RGS7: variants seen among roughly 807,000 people sequenced by gnomAD.
The protein encoded by RGS7 is regulator of G protein signaling 7.
In RGS7, 27 loss-of-function variants were observed where a neutral mutation model predicts 81.1. The observed-to-expected ratio is 0.33, with a 90% CI of 0.25 to 0.46. The LOEUF (loss-of-function observed/expected upper bound fraction) is 0.46. Among genes scored for constraint, RGS7 ranks in the 20% least tolerant of loss-of-function variants. The pLI, the probability that RGS7 is intolerant of heterozygous loss-of-function variation, is 1.00. For missense variants in RGS7, 396 were observed against 607.4 expected (o/e 0.65, Z 3.66); for synonymous variants, 208 against 207.7 (o/e 1.00, Z -0.01).
chr1:240,799,925 T>C (rs1435710047), intron 18 of RGS7, among the ~76,000 whole-genome samples: 3 of 152,170 alleles, frequency 2.0e-5, no homozygotes, highest in Admixed American at 1.3e-4. Context: ...TTTTAAGAGT[T>C]TGAGAAGTGG....
At chr1:241,178,063 G>T (rs2071294947) in intron 2 of RGS7, among the ~76,000 whole-genome samples, 1 of 152,158 alleles carries the variant, frequency 6.6e-6, no homozygotes, top group Admixed American at 6.5e-5. Flanking sequence ...AAGGCAGGAG[G>T]TTTGCTCGAG....
At chr1:241,029,268 CT>C (rs1383253569) in intron 3 of RGS7, among the ~76,000 whole-genome samples, 1 of 152,148 alleles carries the variant, frequency 6.6e-6, no homozygotes, top group African/African-American at 2.4e-5. Flanking sequence ...CACCCACTTT[CT>C]TTTAGCTTCA....
At chr1:240,780,962 C>A (rs1230844373) in intron 18 of RGS7, among the ~76,000 whole-genome samples, 1 of 149,506 alleles carries the variant, frequency 6.7e-6, no homozygotes, top group African/African-American at 2.5e-5. Flanking sequence ...AAATTGGAAG[C>A]CATTTGAAAC....
intron 9 of RGS7, among the ~76,000 whole-genome samples, chr1:240,837,320 T>G (rs1694881798): frequency 6.6e-6 from 1 of 152,224 alleles, no homozygotes; most frequent in Admixed American, 6.5e-5. Context: ...TCTATGATTA[T>G]TTCCCTACAA....
chr1:241,259,650 CAAAAA>C (rs71571832), intron 2 of RGS7, among the ~76,000 whole-genome samples: 1 of 39,916 alleles, frequency 2.5e-5, no homozygotes, highest in Non-Finnish European at 4.1e-5. Context: ...AACTCCGTCT[CAAAAA>C]AAAAAAAAAA....
intron 9 of RGS7, among the ~76,000 whole-genome samples, chr1:240,861,569 A>G (rs767336320): frequency 1.3e-5 from 2 of 152,144 alleles, no homozygotes; most frequent in Non-Finnish European, 2.9e-5. Context: ...AAGCTTTTAT[A>G]TTGATATTTT....
intron 2 of RGS7, among the ~76,000 whole-genome samples, chr1:241,237,497 T>C (rs1236422393): frequency 6.6e-6 from 1 of 152,044 alleles, no homozygotes; most frequent in Non-Finnish European, 1.5e-5. Context: ...GCACGTATAT[T>C]AACAAGCATA....
chr1:240,933,135 G>GC (rs1165704305), intron 5 of RGS7, among the ~76,000 whole-genome samples: 27 of 151,102 alleles, frequency 1.8e-4, no homozygotes, highest in African/African-American at 6.3e-4. Context: ...GCCCCCCTCG[G>GC]CCCCACAAAG....
At chr1:241,220,989 GGAAGGA>G (rs1227869007) in intron 2 of RGS7, among the ~76,000 whole-genome samples, 888 of 73,726 alleles carry the variant, frequency 0.012, 5 homozygotes, top group African/African-American at 0.028. Flanking sequence ...AAGGAAGGAA[GGAAGGA>G]AGAGAGAGAG....
intron 3 of RGS7, among the ~76,000 whole-genome samples, chr1:241,063,481 A>C (rs539236424): frequency 1.3e-5 from 2 of 152,334 alleles, no homozygotes; most frequent in African/African-American, 4.8e-5. Flanking sequence ...GCCGCTCAGC[A>C]TGTGAATCCC....
intron 10 of RGS7, chr1:240,823,470 C>T: frequency 4.7e-6 from 1 of 214,256 alleles, no homozygotes; most frequent in South Asian, 6.5e-5. Flanking sequence ...GGGCTGCGGC[C>T]GGGTCCGCGC....
At chr1:241,177,234 C>A (rs2071222230) in intron 2 of RGS7, among the ~76,000 whole-genome samples, 1 of 152,312 alleles carries the variant, frequency 6.6e-6, no homozygotes, top group Middle Eastern at 3.4e-3. Flanking sequence ...CCAAGGAAGG[C>A]CTCCCTGAAG....
intron 4 of RGS7, among the ~76,000 whole-genome samples, chr1:240,966,619 T>C (rs1682345156): frequency 6.6e-6 from 1 of 152,204 alleles, no homozygotes; most frequent in African/African-American, 2.4e-5. Flanking sequence ...TTTAGGCTGA[T>C]TCAGAACCTG....
chr1:240,958,147 G>A (rs1393780623), intron 4 of RGS7, among the ~76,000 whole-genome samples: 2 of 152,216 alleles, frequency 1.3e-5, no homozygotes, highest in African/African-American at 4.8e-5. Context: ...GCAAGGCTGT[G>A]TCCTTCCTGA....
intron 3 of RGS7, among the ~76,000 whole-genome samples, chr1:241,000,936 T>C (rs2502447): frequency 0.57 from 86,501 of 151,102 alleles, 25,228 homozygotes; most frequent in East Asian, 0.65. Context: ...GGGTTACAGG[T>C]GTGAGCCACC....
intron 2 of RGS7, among the ~76,000 whole-genome samples, chr1:241,273,470 A>G (rs1352253659): frequency 2.0e-5 from 3 of 151,814 alleles, no homozygotes; most frequent in Non-Finnish European, 4.4e-5. Flanking sequence ...TGGAGTTCTC[A>G]GGGAATTGTT....
intron 2 of RGS7, among the ~76,000 whole-genome samples, chr1:241,117,154 T>G (rs1211009578): frequency 6.6e-6 from 1 of 152,148 alleles, no homozygotes; most frequent in Non-Finnish European, 1.5e-5. Flanking sequence ...AATATAAATG[T>G]CCTTGAACAC....
At chr1:241,038,518 G>A (rs2060446115) in intron 3 of RGS7, among the ~76,000 whole-genome samples, 1 of 152,078 alleles carries the variant, frequency 6.6e-6, no homozygotes, top group South Asian at 2.1e-4. Flanking sequence ...AGAAAGTTTG[G>A]GTATAATTGC....
chr1:241,337,361 G>A (rs1265670767), intron 2 of RGS7, among the ~76,000 whole-genome samples: 1 of 152,092 alleles, frequency 6.6e-6, no homozygotes, highest in African/African-American at 2.4e-5. Context: ...TGGACAGTGT[G>A]TTCTACCAGA....
Sources: allele counts gnomAD v4.1 joint callset (sites outside exome capture counted in the v4.1 genomes callset), GRCh38; gene constraint gnomAD v4.1.1; transcripts MANE v1.5; gene names NCBI Gene and HGNC (gene_info 2026-07-23, HGNC 2026-07-21).